The following MRAP variants were observed in gnomAD, a reference collection of about 807,000 sequenced individuals.
MRAP encodes melanocortin-2 receptor accessory protein.
A neutral mutation model predicts 8.7 loss-of-function variants in MRAP; 8 were observed. That is an observed-to-expected ratio of 0.92 (90% CI 0.54 to 1.66). The LOEUF is 1.66. MRAP is among the 40% of genes most tolerant of loss of function. MRAP has a pLI of 0.00. For missense variants in MRAP, 237 were observed against 217.1 expected, an observed-to-expected ratio of 1.09 and a Z score of -0.58; for synonymous variants, 95 against 95.5, an observed-to-expected ratio of 1.00 and a Z score of 0.03.
chr21:32,293,611 C>G (rs576155814), intron 2 of MRAP, among the ~76,000 whole-genome samples: 1 of 152,140 alleles, frequency 6.6e-6, no homozygotes, highest in African/African-American at 2.4e-5. Flanking sequence ...TGTGCCGTCT[C>G]CCTCTCTAGA....
chr21:32,294,774 T>C (rs2032110874), upstream of MRAP, among the ~76,000 whole-genome samples: 1 of 152,138 alleles, frequency 6.6e-6, no homozygotes, highest in Admixed American at 6.5e-5. Flanking sequence ...GGGAACACGA[T>C]CAATTTGGGG....
intron 2 of MRAP, among the ~76,000 whole-genome samples, chr21:32,293,530 C>T (rs1007351431): frequency 1.3e-5 from 2 of 152,150 alleles, no homozygotes; most frequent in Admixed American, 6.5e-5. Flanking sequence ...AATGAGGTCC[C>T]ACCACCTGAG....
At chr21:32,301,915 A>G (rs918951181) in intron 1 of MRAP, among the ~76,000 whole-genome samples, 1 of 152,258 alleles carries the variant, frequency 6.6e-6, no homozygotes, top group Non-Finnish European at 1.5e-5. Context: ...AATTCAAAGT[A>G]TAGATTAAAC....
chr21:32,298,903 C>A lies in MRAP; in HGVS notation c.-69C>A. 1 of 1,125,192 alleles carries A rather than the reference C, an allele frequency of 8.9e-7. No individual in the cohort carries two copies. Among genetic ancestry groups the A allele is most frequent in the South Asian group, 1.3e-5 (1 of 79,396 alleles). 69.7% of individuals were successfully genotyped at this position (1,125,192 alleles called of 1,614,324 possible). On this transcript the variant is annotated 5_prime_UTR_variant, in exon 1 of 3. Transcript: ENST00000303645. ...GCAGAAATCAGTGAGGCAGTCTCCT[C>A]CCAGGGGCTTGGCGCCTGGCTCGAG...
At chr21:32,301,096 GATATCAT>G (rs148504840) in intron 1 of MRAP, among the ~76,000 whole-genome samples, 1,736 of 148,512 alleles carry the variant, frequency 0.012, 31 homozygotes, top group African/African-American at 0.042. Context: ...TATCGTATAT[GATATCAT>G]ATATCATATG....
In MRAP at chr21:32,298,922, G is replaced by A. The variant is rs757209907; in HGVS notation, c.-50G>A. 2.9e-6 allele frequency: 4 copies of A among 1,384,814 alleles called. No individual in the cohort carries two copies. The South Asian group carries it at 4.7e-5, about 16-fold the overall frequency. The allele number at this position is 1,384,814 out of a possible 1,614,324, so 85.8% of individuals were successfully genotyped here. A position where few individuals can be genotyped will look rare whatever the true frequency, so the allele number is the denominator to read the frequency against. On this transcript the variant is annotated 5_prime_UTR_variant, in exon 1 of 3. Coordinates refer to ENST00000303645, the MANE Select transcript of MRAP (RefSeq NM_001379228.1). ...TCTCCTCCCAGGGGCTTGGCGCCTGGCTCGAGGCGAGGCTGCCGGCCCGGA... is the reference window on the plus strand; with the variant it reads ...TCTCCTCCCAGGGGCTTGGCGCCTGACTCGAGGCGAGGCTGCCGGCCCGGA...
chr21:32,301,945 C>A (rs1011867602), intron 1 of MRAP, among the ~76,000 whole-genome samples: 20 of 152,312 alleles, frequency 1.3e-4, no homozygotes, highest in African/African-American at 3.8e-4. Flanking sequence ...ACATAAAACT[C>A]TTTTTCTCTC....
chr21:32,297,663 T>C (rs964030151), upstream of MRAP, among the ~76,000 whole-genome samples: 2 of 152,214 alleles, frequency 1.3e-5, no homozygotes, highest in Non-Finnish European at 1.5e-5. Flanking sequence ...TTGAGTTACA[T>C]TGTAGGACAC....
At position 32,298,929 on chromosome 21, in the gene MRAP, G is replaced by T. The variant is rs746690165; in HGVS notation, c.-43G>T. Reference sequence around the variant, plus strand: ...CCAGGGGCTTGGCGCCTGGCTCGAGGCGAGGCTGCCGGCCCGGACGCTGAC... The same window carrying T: ...CCAGGGGCTTGGCGCCTGGCTCGAGTCGAGGCTGCCGGCCCGGACGCTGAC... On this transcript the variant is annotated 5_prime_UTR_variant, in exon 1 of 3. Coordinates refer to ENST00000303645, the MANE Select transcript of MRAP (RefSeq NM_001379228.1). 6.8e-7 allele frequency: 1 copy of T among 1,465,530 alleles called. No individual in the cohort carries two copies. Among genetic ancestry groups the T allele is most frequent in the Non-Finnish European group, 9.5e-7 (1 of 1,047,774 alleles). The allele number at this position is 1,465,530 out of a possible 1,614,324, so 90.8% of individuals were successfully genotyped here.
upstream of MRAP, among the ~76,000 whole-genome samples, chr21:32,295,364 C>T (rs1211349712): frequency 1.3e-5 from 2 of 152,194 alleles, no homozygotes; most frequent in African/African-American, 4.8e-5. Flanking sequence ...TGATTCCTCC[C>T]TGGGGGTGGG....
Position 32,305,361 on chromosome 21 carries a change from G to A in MRAP, c.107-1279G>A, listed in dbSNP as rs563722899. Among the ~76,000 whole-genome samples the A allele has an allele frequency of 1.4e-3, 206 of 152,240 alleles. 1 individual carries two copies. Among genetic ancestry groups the A allele is most frequent in the African/African-American group, 4.3e-3 (180 of 41,542 alleles). ...TTTTTCCTGCTATCTCTCAGGGGTC[G>A]TAGATGGCAGAGATGACATCCTTTA... is the stretch of plus-strand genomic sequence containing the variant. On this transcript the variant is annotated intron_variant, in intron 1 of 2. Coordinates refer to ENST00000303645, the MANE Select transcript of MRAP (RefSeq NM_001379228.1).
intron 1 of MRAP, among the ~76,000 whole-genome samples, chr21:32,292,610 C>T (rs2032068305): frequency 6.6e-6 from 1 of 152,042 alleles, no homozygotes; most frequent in African/African-American, 2.4e-5. Flanking sequence ...GTGTGCACCA[C>T]CACGCCTGAC....
chr21:32,294,141 G>A (rs1169736004), upstream of MRAP, among the ~76,000 whole-genome samples: 1 of 152,140 alleles, frequency 6.6e-6, no homozygotes, highest in African/African-American at 2.4e-5. Context: ...TTGAGACAGA[G>A]TCTTACTCAG....
At chr21:32,296,102 G>T (rs1037217845), upstream of MRAP, among the ~76,000 whole-genome samples, 1 of 152,148 alleles carries the variant, frequency 6.6e-6, no homozygotes, top group Non-Finnish European at 1.5e-5. Flanking sequence ...CCTTGCAATT[G>T]TCAATGGCCA....
chr21:32,304,959 T>TTTG (rs1568797810), intron 1 of MRAP, among the ~76,000 whole-genome samples: 124 of 131,720 alleles, frequency 9.4e-4, no homozygotes, highest in African/African-American at 2.8e-3. Context: ...ATTTGTTTTT[T>TTTG]TTGTTGTTTT....
At chr21:32,311,550 C>A in intron 2 of MRAP, 134 bp from the exon 3 acceptor site, 4 of 1,324,796 alleles carry the variant, frequency 3.0e-6, no homozygotes, top group Middle Eastern at 2.0e-4. Flanking sequence ...TGACCCTTCT[C>A]AGGAATTTGC....
At chr21:32,299,158 C>T (rs900598284) in intron 1 of MRAP, 81 bp downstream of exon 1, 3 of 1,054,802 alleles carry the variant, frequency 2.8e-6, no homozygotes, top group Middle Eastern at 2.1e-4. Context: ...GCTTTCTCTG[C>T]ATTCACTTAT....
chr21:32,314,525 A>G, downstream of MRAP: 1 of 1,603,208 alleles, frequency 6.2e-7, no homozygotes. Context: ...TTCATAAAAA[A>G]AATCTGATAC....
chr21:32,305,307 G>T (rs539035284), intron 1 of MRAP, among the ~76,000 whole-genome samples: 21 of 151,916 alleles, frequency 1.4e-4, no homozygotes, highest in Non-Finnish European at 2.6e-4. Context: ...ACATTTTAGG[G>T]TCCAAGATCA....
Sources: gnomAD v4.1 joint callset for allele counts (sites outside exome capture counted in the v4.1 genomes callset) on GRCh38, gnomAD v4.1.1 for gene constraint, MANE v1.5 for transcripts, NCBI Gene and HGNC (gene_info 2026-07-23, HGNC 2026-07-21) for gene names.